The following HMGCLL1 variants were observed in gnomAD, a reference collection of about 807,000 sequenced individuals.
HMGCLL1 encodes 3-hydroxy-3-methylglutaryl-CoA lyase like 1, also known as 3-hydroxymethyl-3-methylglutaryl-CoA lyase, cytoplasmic.
A neutral mutation model predicts 39.1 loss-of-function variants in HMGCLL1; 36 were observed. The ratio of observed to expected loss-of-function variants is 0.92; its 90% CI spans 0.71 to 1.22. HMGCLL1 has a LOEUF of 1.22. Among genes scored for constraint, HMGCLL1 ranks in the 50% most tolerant of loss-of-function variants. HMGCLL1 has a pLI of 0.00. For synonymous variants in HMGCLL1, 149 were observed against 144.0 expected (o/e 1.03, Z -0.25); for missense variants, 451 against 416.5 (o/e 1.08, Z -0.72).
At chr6:55,505,804 T>A (rs1767125400) in intron 5 of HMGCLL1, among the ~76,000 whole-genome samples, 1 of 151,738 alleles carries the variant, frequency 6.6e-6, no homozygotes, top group African/African-American at 2.4e-5. Context: ...CTGATGAAAC[T>A]AAAAAGTAAA....
At chr6:55,614,364 G>A in the HMGCLL1 span, among the ~76,000 whole-genome samples, 10 of 152,084 alleles carry the variant, frequency 6.6e-5, no homozygotes, top group Non-Finnish European at 1.3e-4. Context: ...GATATAATAA[G>A]AAGCACGGTC....
chr6:55,624,703 A>G, the HMGCLL1 span, among the ~76,000 whole-genome samples: 1 of 152,158 alleles, frequency 6.6e-6, no homozygotes, highest in South Asian at 2.1e-4. Context: ...ACTAAAATTC[A>G]GGGACTTTCT....
At chr6:55,520,893 G>A (rs1768005075) in intron 3 of HMGCLL1, among the ~76,000 whole-genome samples, 1 of 151,406 alleles carries the variant, frequency 6.6e-6, no homozygotes, top group Admixed American at 6.6e-5. Context: ...AAAAAAAATA[G>A]GCCTACCATG....
chr6:55,670,812 G>T, the HMGCLL1 span, among the ~76,000 whole-genome samples: 1 of 151,706 alleles, frequency 6.6e-6, no homozygotes, highest in Non-Finnish European at 1.5e-5. Context: ...ACAAATAATT[G>T]CATTGTATAT....
intron 7 of HMGCLL1, among the ~76,000 whole-genome samples, chr6:55,447,307 C>A (rs1036681211): frequency 6.5e-4 from 98 of 151,848 alleles, no homozygotes; most frequent in African/African-American, 2.2e-3. Flanking sequence ...AACAGTTAGC[C>A]TACATGAATA....
chr6:55,457,466 C>T (rs545504858), intron 7 of HMGCLL1, among the ~76,000 whole-genome samples: 57 of 152,280 alleles, frequency 3.7e-4, no homozygotes, highest in South Asian at 1.2e-3. Flanking sequence ...ACTGGAGACA[C>T]TGTCCATTTA....
chr6:55,486,325 T>G (rs577889820), intron 7 of HMGCLL1, among the ~76,000 whole-genome samples: 72 of 152,174 alleles, frequency 4.7e-4, no homozygotes, highest in African/African-American at 1.7e-3. Context: ...GCAGTAGATG[T>G]AAAATATAGG....
intron 7 of HMGCLL1, among the ~76,000 whole-genome samples, chr6:55,469,076 T>C (rs1764915256): frequency 6.6e-6 from 1 of 151,644 alleles, no homozygotes; most frequent in African/African-American, 2.4e-5. Context: ...CCCAGAGCTT[T>C]TGAAGTACTA....
intron 3 of HMGCLL1, among the ~76,000 whole-genome samples, chr6:55,531,877 T>C (rs944961396): frequency 2.6e-5 from 4 of 152,176 alleles, no homozygotes; most frequent in Admixed American, 1.3e-4. Flanking sequence ...GACTGTCTAG[T>C]TGCAGGAAAA....
chr6:55,632,464 A>G, the HMGCLL1 span, among the ~76,000 whole-genome samples: 1 of 151,088 alleles, frequency 6.6e-6, no homozygotes, highest in Non-Finnish European at 1.5e-5. Flanking sequence ...AGTTATATAT[A>G]TAATTCATGA....
chr6:55,626,459 G>T, the HMGCLL1 span, among the ~76,000 whole-genome samples: 1 of 152,016 alleles, frequency 6.6e-6, no homozygotes, highest in African/African-American at 2.4e-5. Context: ...TTTTGAAGTC[G>T]CAATTATAAT....
rs532426907 is a variant in HMGCLL1 at position 55,451,543 on chromosome 6, C to T, written c.796-11984G>A. On this transcript the variant is annotated intron_variant, in intron 7 of 8. Coordinates refer to ENST00000274901, the MANE Select transcript of HMGCLL1 (RefSeq NM_001042406.2). ...CCTGCCTGGGCAACAGAGTGAGATT[C>T]CATCTCCAAAAAAACAAAAACAAAA... Among the ~76,000 whole-genome samples, 7 of 150,664 alleles carry T rather than the reference C, an allele frequency of 4.6e-5. No homozygotes were observed. The East Asian group carries it at 1.2e-3, about 25-fold the overall frequency.
intron 1 of HMGCLL1, among the ~76,000 whole-genome samples, chr6:55,569,404 G>A (rs1374459730): frequency 6.6e-6 from 1 of 152,112 alleles, no homozygotes; most frequent in African/African-American, 2.4e-5. Flanking sequence ...CAGAGCTACT[G>A]AATCAAAATT....
chr6:55,648,338 T>C, the HMGCLL1 span, among the ~76,000 whole-genome samples: 9 of 149,772 alleles, frequency 6.0e-5, no homozygotes, highest in South Asian at 1.7e-3. Context: ...ATTCAAAAGC[T>C]AGCAGAAGGC....
intron 7 of HMGCLL1, among the ~76,000 whole-genome samples, chr6:55,477,421 T>TA (rs570683047): frequency 1.5e-4 from 4 of 26,100 alleles, no homozygotes; most frequent in East Asian, 1.3e-3. Context: ...ATATATTATC[T>TA]TAATATATAT....
At chr6:55,661,409 G>C in the HMGCLL1 span, among the ~76,000 whole-genome samples, 1 of 151,820 alleles carries the variant, frequency 6.6e-6, no homozygotes, top group African/African-American at 2.4e-5. Flanking sequence ...TAAAGAAGGG[G>C]TACAGTTTCA....
chr6:55,634,160 TC>T, the HMGCLL1 span, among the ~76,000 whole-genome samples: 1 of 152,164 alleles, frequency 6.6e-6, no homozygotes, highest in African/African-American at 2.4e-5. Flanking sequence ...AAAATGGTGT[TC>T]TTGATTCAAA....
chr6:55,589,510 C>G, the HMGCLL1 span, among the ~76,000 whole-genome samples: 14 of 152,164 alleles, frequency 9.2e-5, no homozygotes, highest in Admixed American at 9.2e-4. Context: ...GATGCCCTCT[C>G]TCACCACTCC....
intron 3 of HMGCLL1, among the ~76,000 whole-genome samples, chr6:55,521,992 A>T (rs913935076): frequency 6.6e-6 from 1 of 152,058 alleles, no homozygotes; most frequent in Admixed American, 6.6e-5. Context: ...CACACAGATA[A>T]TAAGTGAAAC....
Sources: gnomAD v4.1 joint callset for allele counts (sites outside exome capture counted in the v4.1 genomes callset) on GRCh38, gnomAD v4.1.1 for gene constraint, MANE v1.5 for transcripts, NCBI Gene and HGNC (gene_info 2026-07-23, HGNC 2026-07-21) for gene names.